PEX11A: variants seen among roughly 807,000 people sequenced by gnomAD.
The protein encoded by PEX11A is peroxisomal membrane protein 11A.
In PEX11A, 13 loss-of-function variants were observed where a neutral mutation model predicts 14.4. That is an observed-to-expected ratio of 0.90 (90% CI 0.59 to 1.43). The LOEUF (loss-of-function observed/expected upper bound fraction) is 1.43. PEX11A is among the 40% of genes most tolerant of loss of function. The pLI, the probability that PEX11A is intolerant of heterozygous loss-of-function variation, is 0.00. For missense variants in PEX11A, 290 were observed against 302.8 expected (o/e 0.96, Z 0.31); for synonymous variants, 101 against 113.0 (o/e 0.89, Z 0.67).
intron 2 of PEX11A, among the ~76,000 whole-genome samples, chr15:89,684,838 A>G (rs1964653798): frequency 6.6e-6 from 1 of 152,186 alleles, no homozygotes; most frequent in African/African-American, 2.4e-5. Flanking sequence ...CTTTTCCTTG[A>G]AGGATCATAC....
chr15:89,683,843 C>T lies in PEX11A; in HGVS notation c.278G>A (p.Arg93His), dbSNP rs146767422. The T allele has an allele frequency of 2.0e-4, 320 of 1,613,910 alleles. 1 individual carries two copies. The highest frequency in any genetic ancestry group is 5.7e-4 in the Admixed American group (34 of 60,024). The change falls in exon 3 of 3, where the codon CGT becomes CAT. Residue 93 changes from arginine (R) to histidine (H), a missense_variant. Physicochemically the swap from Arg to His is conservative, Grantham distance 29. Coordinates refer to ENST00000300056, the MANE Select transcript of PEX11A (RefSeq NM_003847.3). ...GGTGTCACAGATGAAATAAATCACA[C>T]GGTTCAGGTTGGCTAATGTTAAGCA... ...RLCLTLANLN[R>H]VIYFICDTIL...
chr15:89,686,437 G>T lies in PEX11A; in HGVS notation c.166C>A (p.Arg56Ser). The change falls in exon 2 of 3, where the codon CGT (arginine) becomes AGT (serine). Residue 56 changes from arginine (R) to serine (S), a missense_variant. Arg to Ser is a moderately radical substitution (Grantham distance 110). Coordinates refer to ENST00000300056, the MANE Select transcript of PEX11A (RefSeq NM_003847.3). ...CAAGAAACAGGGTACTTACATTTAC[G>T]ACCAGTGCTCACACTGGACTCCAGT... The part of the protein sequence containing the change: ...KKLESSVSTG[R>S]KWFRLGNVVH... The T allele has an allele frequency of 1.4e-6, 2 of 1,459,458 alleles. No homozygotes were observed. The highest frequency in any genetic ancestry group is 1.9e-6 in the Non-Finnish European group (2 of 1,040,028). 90.4% of individuals were successfully genotyped at this position (1,459,458 alleles called of 1,614,324 possible).
In PEX11A at chr15:89,684,927, C is replaced by A. The variant is rs181173749; in HGVS notation, c.173-979G>T. 3.4e-3 allele frequency among the ~76,000 whole-genome samples: 518 copies of A among 152,274 alleles called. 8 individuals are homozygous for A. The highest frequency in any genetic ancestry group is 0.012 in the African/African-American group (503 of 41,562). ...AGAAGGGGCTGGGCGCGGTGGCTTACGCCTGTAATCCCAGCACTTTGGGAG... is the reference window on the plus strand; with the variant it reads ...AGAAGGGGCTGGGCGCGGTGGCTTAAGCCTGTAATCCCAGCACTTTGGGAG... On this transcript the variant is annotated intron_variant, in intron 2 of 2. Transcript: ENST00000300056.
chr15:89,690,481 C>T (rs374243598), intron 1 of PEX11A, 96 bp downstream of exon 1: 19 of 868,424 alleles, frequency 2.2e-5, no homozygotes, highest in African/African-American at 5.0e-5. Context: ...CTTCCATCTA[C>T]TAGGCTATCA....
intron 1 of PEX11A, among the ~76,000 whole-genome samples, chr15:89,690,029 G>C (rs760073456): frequency 2.0e-5 from 3 of 152,316 alleles, no homozygotes; most frequent in Middle Eastern, 3.4e-3. Flanking sequence ...CTACTCAGGA[G>C]GCTGAGGCAG....
chr15:89,690,445 C>G (rs1388635038), intron 1 of PEX11A, 132 bp downstream of exon 1: 1 of 652,266 alleles, frequency 1.5e-6, no homozygotes, highest in Non-Finnish European at 2.6e-6. Flanking sequence ...AAACTCCCTC[C>G]GTAGGAGCTG....
chr15:89,685,482 C>A (rs893823039), intron 2 of PEX11A, among the ~76,000 whole-genome samples: 3 of 151,724 alleles, frequency 2.0e-5, no homozygotes, highest in Non-Finnish European at 4.4e-5. Context: ...CCCTACCCTT[C>A]CCATCCCTCT....
intron 2 of PEX11A, among the ~76,000 whole-genome samples, chr15:89,684,928 G>A (rs549817744): frequency 6.6e-6 from 1 of 152,240 alleles, no homozygotes; most frequent in African/African-American, 2.4e-5. Context: ...GGTGGCTTAC[G>A]CCTGTAATCC....
In PEX11A at chr15:89,690,484, G is replaced by T. The variant is rs554836073; in HGVS notation, c.56+93C>A. Reference sequence around the variant, plus strand: ...ACGTCCTTCCTGCTTCCATCTACTAGGCTATCACCTCCTTTTTCCCGGGTG... The same window carrying T: ...ACGTCCTTCCTGCTTCCATCTACTATGCTATCACCTCCTTTTTCCCGGGTG... On this transcript the variant is annotated intron_variant, in intron 1 of 2. Transcript: ENST00000300056. 33 of 890,240 alleles carry T rather than the reference G, an allele frequency of 3.7e-5. No homozygotes were observed. In the African/African-American group the frequency reaches 5.0e-4, roughly 13 times the overall value. The allele number at this position is 890,240 out of a possible 1,614,324, so 55.1% of individuals were successfully genotyped here.
In PEX11A at chr15:89,682,355, G is replaced by A. The variant is rs990765218; in HGVS notation, c.*1022C>T. 1.3e-5 allele frequency: 2 copies of A among 152,098 alleles called. No homozygotes were observed. The highest frequency in any genetic ancestry group is 4.8e-5 in the African/African-American group (2 of 41,390). 9.4% of individuals were successfully genotyped at this position (152,098 alleles called of 1,614,324 possible). On this transcript the variant is annotated 3_prime_UTR_variant, in exon 3 of 3. Transcript: ENST00000300056. ...TGCCTGGCTAATTTTTTAACACTTT[G>A]TTGTAGAGAAGGAGTCTCACTACAT... is the stretch of plus-strand genomic sequence containing the variant.
At chr15:89,685,919 T>C (rs544752214) in intron 2 of PEX11A, among the ~76,000 whole-genome samples, 1 of 152,214 alleles carries the variant, frequency 6.6e-6, no homozygotes, top group Non-Finnish European at 1.5e-5. Context: ...TGACATATTA[T>C]TAAAGTAAAT....
Position 89,683,671 on chromosome 15 carries a change from T to A in PEX11A, c.450A>T (p.Thr150=), listed in dbSNP as rs1193076933. The change falls in exon 3 of 3, where the codon ACA becomes ACT. Residue 150 remains threonine, a synonymous_variant. Coordinates refer to ENST00000300056, the MANE Select transcript of PEX11A (RefSeq NM_003847.3). ...YEISLQMKRV[T]CDRAKKEKSA... is the part of the protein sequence containing the mutation. ...ATTTCTCTTTCTTTGCCCTGTCACA[T>A]GTAACTCGTTTCATCTGCAGGGAGA... 1.9e-6 allele frequency: 3 copies of A among 1,614,168 alleles called. No homozygotes were observed. In the South Asian group the frequency reaches 3.3e-5, roughly 18 times the overall value.
intron 1 of PEX11A, among the ~76,000 whole-genome samples, chr15:89,687,144 C>T (rs138729959): frequency 0.016 from 2,415 of 152,088 alleles, 30 homozygotes; most frequent in Non-Finnish European, 0.026. Flanking sequence ...TGGCTGGTCT[C>T]GATCTCCTGA....
At position 89,683,361 on chromosome 15, in the gene PEX11A, C is replaced by T; in HGVS notation, c.*16G>A. 1 of 1,579,378 alleles carries T rather than the reference C, an allele frequency of 6.3e-7. No homozygotes were observed. ...CATCTTTTAAAGTAGGTACTAGTTC[C>T]AAGCCTAAAAACACCCTAACGGGTC... On this transcript the variant is annotated 3_prime_UTR_variant, in exon 3 of 3. Coordinates refer to ENST00000300056, the MANE Select transcript of PEX11A (RefSeq NM_003847.3).
chr15:89,683,800 G>A lies in PEX11A; in HGVS notation c.321C>T (p.Ser107=), dbSNP rs750701244. Reference sequence around the variant, plus strand: ...TGTTGATGCCAGAGGTGAGACCTACGCTCCTCACCCAGAGGATGGTGTCAC... The same window carrying A: ...TGTTGATGCCAGAGGTGAGACCTACACTCCTCACCCAGAGGATGGTGTCAC... ...FICDTILWVR[S]VGLTSGINKE... is the part of the protein sequence containing the mutation. Residue 107 remains serine, a synonymous_variant, in exon 3 of 3, where the codon AGC becomes AGT. Coordinates refer to ENST00000300056, the MANE Select transcript of PEX11A (RefSeq NM_003847.3). 28 of 1,613,758 alleles carry A rather than the reference G, an allele frequency of 1.7e-5. No individual in the cohort carries two copies. The highest frequency in any genetic ancestry group is 1.2e-4 in the African/African-American group (9 of 74,916).
Position 89,681,602 on chromosome 15 carries a change from T to A in PEX11A, c.*1775A>T, listed in dbSNP as rs1964601444. On this transcript the variant is annotated 3_prime_UTR_variant, in exon 3 of 3. Transcript: ENST00000300056. ...AGAGGATCTGGACAATAAAAATAGT[T>A]ATTTAAGCTTTTTATTTTCCCTGAC... 1 of 669,426 alleles carries A rather than the reference T, an allele frequency of 1.5e-6. No individual in the cohort carries two copies. Among genetic ancestry groups the A allele is most frequent in the South Asian group, 1.6e-5 (1 of 61,952 alleles). 41.5% of individuals were successfully genotyped at this position (669,426 alleles called of 1,614,324 possible). A position where few individuals can be genotyped will look rare whatever the true frequency, so the allele number is the denominator to read the frequency against.
intron 2 of PEX11A, among the ~76,000 whole-genome samples, chr15:89,684,392 G>T (rs750489843): frequency 2.6e-5 from 4 of 152,190 alleles, no homozygotes; most frequent in African/African-American, 9.7e-5. Flanking sequence ...TCCAGGCAAG[G>T]TCAATCATGA....
intron 1 of PEX11A, 27 bp from the exon 2 acceptor site, chr15:89,686,573 A>G (rs1461385336): frequency 1.0e-6 from 1 of 991,818 alleles, no homozygotes; most frequent in Non-Finnish European, 1.6e-6. Context: ...AAAATTGAGA[A>G]GAATGATTTA....
rs967659968 is a variant in PEX11A, at chr15:89,682,581, T to C, written c.*796A>G. ...ACAGGATTCAGGAGGGGATCACATT[T>C]CTACTCAATTCTGAAGACAGTGGGA... On this transcript the variant is annotated 3_prime_UTR_variant, in exon 3 of 3. Transcript: ENST00000300056. 6.6e-6 allele frequency: 1 copy of C among 152,218 alleles called. No individual in the cohort carries two copies. Among genetic ancestry groups the C allele is most frequent in the Non-Finnish European group, 1.5e-5 (1 of 68,060 alleles). 9.4% of individuals were successfully genotyped at this position (152,218 alleles called of 1,614,324 possible).
Sources: gnomAD v4.1 joint callset for allele counts (sites outside exome capture counted in the v4.1 genomes callset) on GRCh38, gnomAD v4.1.1 for gene constraint, MANE v1.5 for transcripts, NCBI Gene and HGNC (gene_info 2026-07-23, HGNC 2026-07-21) for gene names.